Variants in TBCD observed in about 807,000 individuals in gnomAD.
TBCD encodes tubulin-specific chaperone D.
In TBCD, 105 loss-of-function variants were observed where a neutral mutation model predicts 169.3. The ratio of observed to expected loss-of-function variants is 0.62; its 90% confidence interval spans 0.53 to 0.73. The LOEUF (loss-of-function observed/expected upper bound fraction) is 0.73. Among genes scored for constraint, TBCD ranks in the 30% least tolerant of loss-of-function variants. The pLI, the probability that TBCD is intolerant of heterozygous loss-of-function variation, is 0.00. For missense variants in TBCD, 1,444 were observed against 1,600.1 expected (o/e 0.90, Z 1.66); for synonymous variants, 700 against 643.9 (o/e 1.09, Z -1.32).
intron 13 of TBCD, among the ~76,000 whole-genome samples, chr17:82,865,010 G>A (rs750594828): frequency 1.6e-4 from 25 of 152,338 alleles, no homozygotes; most frequent in Admixed American, 6.5e-4. Flanking sequence ...TGCAGGTGCA[G>A]CAGACATGAG....
At position 82,800,947 on chromosome 17, in the gene TBCD, G is replaced by C; in HGVS notation, c.901G>C (p.Val301Leu). The C allele has an allele frequency of 6.2e-7, 1 of 1,612,342 alleles. No homozygotes were observed. The highest frequency in any genetic ancestry group is 8.5e-7 in the Non-Finnish European group (1 of 1,179,470). ...TLLRKLGVKL[V>L]QRLGLTFLKP... ...GCTGCGGAAGCTGGGGGTGAAGCTT[G>C]TGCAGCGACTGGGGCTGACATTCCT... is the stretch of plus-strand genomic sequence containing the variant. The change falls in exon 9 of 39, where the codon GTG becomes CTG. Residue 301 changes from valine (V) to leucine (L), a missense_variant. Val to Leu is a conservative substitution (Grantham distance 32). Coordinates refer to ENST00000355528, the MANE Select transcript of TBCD (RefSeq NM_005993.5).
intron 37 of TBCD, among the ~76,000 whole-genome samples, chr17:82,940,373 GCT>G (rs1472637921): frequency 2.6e-5 from 4 of 152,210 alleles, no homozygotes; most frequent in Non-Finnish European, 1.5e-5. Flanking sequence ...TGTGGATGCT[GCT>G]CTGTTTTGAG....
At chr17:82,911,067 TG>T (rs1420592481) in intron 22 of TBCD, among the ~76,000 whole-genome samples, 2 of 152,192 alleles carry the variant, frequency 1.3e-5, no homozygotes, top group African/African-American at 4.8e-5. Context: ...CCCCACACAC[TG>T]GGCCTGGAGG....
chr17:82,844,944 G>A (rs1260873863), intron 13 of TBCD, among the ~76,000 whole-genome samples: 2 of 152,136 alleles, frequency 1.3e-5, no homozygotes, highest in Non-Finnish European at 2.9e-5. Context: ...TCGGGAACAT[G>A]GCCGAGGTAC....
chr17:82,927,823 C>A, intron 29 of TBCD, 82 bp from the exon 30 acceptor site: 2 of 1,276,756 alleles, frequency 1.6e-6, no homozygotes, highest in Non-Finnish European at 2.3e-6. Flanking sequence ...CGAATTCACA[C>A]AGGCTGCCGG....
Position 82,830,030 on chromosome 17 carries a change from A to C in TBCD, c.1318+15096A>C, listed in dbSNP as rs2053335106. ...TTGTTTGTTTGTTTTTTTGAGAAGC[A>C]GCAGCTGCATTTGTAAAAATGTGAA... On this transcript the variant is annotated intron_variant, in intron 13 of 38. Transcript: ENST00000355528. 2.6e-6 allele frequency: 4 copies of C among 1,515,428 alleles called. No homozygotes were observed. The African/African-American group carries it at 5.5e-5, about 21-fold the overall frequency. 93.9% of individuals were successfully genotyped at this position (1,515,428 alleles called of 1,614,324 possible). A position where few individuals can be genotyped will look rare whatever the true frequency, so the allele number is the denominator to read the frequency against.
At chr17:82,759,888 G>T (rs183455018) in intron 2 of TBCD, among the ~76,000 whole-genome samples, 3,494 of 121,456 alleles carry the variant, frequency 0.029, 175 homozygotes, top group African/African-American at 0.098. Flanking sequence ...TCGTTTGTTT[G>T]TTTTTTTTTT....
rs2049508449 is a variant in TBCD, at chr17:82,789,021, G to A, written c.771+7300G>A. 6.6e-6 allele frequency among the ~76,000 whole-genome samples: 1 copy of A among 152,218 alleles called. No homozygotes were observed. On this transcript the variant is annotated intron_variant, in intron 7 of 38. Transcript: ENST00000355528. This position sits in a 1 kb window ranked among gnomAD's most constrained non-coding sequence, Gnocchi z 4.8. ...TACTGTTTCATTTAGGGTTCAGTGT[G>A]GCCAGAGGAAGATGACCCACGTGGT...
intron 34 of TBCD, among the ~76,000 whole-genome samples, chr17:82,934,076 C>T (rs1289176356): frequency 6.6e-6 from 1 of 152,246 alleles, no homozygotes; most frequent in East Asian, 1.9e-4. Context: ...CAGCCTTGGA[C>T]AGCGTCCTCG....
At chr17:82,886,807 T>G (rs2058746612) in intron 15 of TBCD, among the ~76,000 whole-genome samples, 1 of 149,644 alleles carries the variant, frequency 6.7e-6, no homozygotes, top group Non-Finnish European at 1.5e-5. Flanking sequence ...GTAGCTGGGA[T>G]TACAGGCGTG....
chr17:82,893,542 A>G lies in TBCD; in HGVS notation c.1564-5A>G. On this transcript the variant is annotated splice_polypyrimidine_tract_variant and splice_region_variant and intron_variant, in intron 16 of 38. Transcript: ENST00000355528. The stretch of plus-strand genomic sequence containing the variant: ...CTTTTTCCCCCATTTCCACTTTCTT[A>G]TTAGGGCACTTTCCCTCATGGTATT... 1.2e-6 allele frequency: 2 copies of G among 1,602,444 alleles called. No homozygotes were observed. The highest frequency in any genetic ancestry group is 1.1e-5 in the South Asian group (1 of 88,140).
chr17:82,820,878 G>A (rs1461815410), intron 13 of TBCD, among the ~76,000 whole-genome samples: 1 of 151,348 alleles, frequency 6.6e-6, no homozygotes, highest in African/African-American at 2.4e-5. Context: ...AAGCTTGATG[G>A]TGCCCTATGA....
At chr17:82,820,159 G>A (rs971534399) in intron 13 of TBCD, among the ~76,000 whole-genome samples, 1 of 151,916 alleles carries the variant, frequency 6.6e-6, no homozygotes, top group African/African-American at 2.4e-5. Flanking sequence ...TTTATTTTTA[G>A]TAGAGACCAG....
intron 14 of TBCD, among the ~76,000 whole-genome samples, chr17:82,872,983 G>T (rs549094193): frequency 8.4e-4 from 90 of 107,582 alleles, no homozygotes; most frequent in African/African-American, 2.9e-3. Context: ...GCCAGGCCCG[G>T]CACCTCGTGG....
chr17:82,764,168 A>C (rs932531287), intron 3 of TBCD, 106 bp downstream of exon 3: 8 of 905,376 alleles, frequency 8.8e-6, no homozygotes, highest in South Asian at 1.6e-5. Context: ...GTTCTTAGAC[A>C]CAAGTTGTGG....
At position 82,874,008 on chromosome 17, in the gene TBCD, G is replaced by T. The variant is rs1231770444; in HGVS notation, c.1475+3628G>T. Among the ~76,000 whole-genome samples the T allele has an allele frequency of 6.6e-6, 1 of 152,212 alleles. No individual in the cohort carries two copies. The highest frequency in any genetic ancestry group is 2.4e-5 in the African/African-American group (1 of 41,448). On this transcript the variant is annotated intron_variant, in intron 14 of 38. Coordinates refer to ENST00000355528, the MANE Select transcript of TBCD (RefSeq NM_005993.5). The surrounding 1 kb of genome is among the most constrained non-coding windows in gnomAD (Gnocchi z 5.0). ...ACAGCCTCCTGTTGGCCCCGTGAGG[G>T]TCCTGACTGGGGCTCCTCTTTTGGA...
At chr17:82,941,532 C>T (rs1323815463) in intron 38 of TBCD, 49 bp downstream of exon 38, 2 of 1,488,680 alleles carry the variant, frequency 1.3e-6, no homozygotes, top group Non-Finnish European at 1.8e-6. Flanking sequence ...TCCCTGAGCT[C>T]TGGAATGTTC....
rs758289635 is a variant in TBCD, at chr17:82,831,627, G to A, written c.1318+16693G>A. 9.9e-6 allele frequency: 16 copies of A among 1,614,038 alleles called. No individual in the cohort carries two copies. The highest frequency in any genetic ancestry group is 1.7e-5 in the Admixed American group (1 of 60,004). On this transcript the variant is annotated intron_variant, in intron 13 of 38. Transcript: ENST00000355528. The surrounding 1 kb of genome is among the most constrained non-coding windows in gnomAD (Gnocchi z 4.6). ...GGAAGTGTCTCGGGTCTTGGGTTCC[G>A]TAGACTGACAGCAGGGGTGCGTCAC...
intron 7 of TBCD, chr17:82,796,160 C>T (rs1354915434): frequency 2.6e-5 from 4 of 152,266 alleles, no homozygotes; most frequent in African/African-American, 7.2e-5. Flanking sequence ...CAGCCCACCT[C>T]CCAGGGAATT....
Sources: allele counts gnomAD v4.1 joint callset (sites outside exome capture counted in the v4.1 genomes callset), GRCh38; gene constraint gnomAD v4.1.1; non-coding constraint Gnocchi (gnomAD v3.1); transcripts MANE v1.5; gene names NCBI Gene and HGNC (gene_info 2026-07-23, HGNC 2026-07-21).